Variants in SLC9A2 observed in about 807,000 individuals in gnomAD.
The protein encoded by SLC9A2 is sodium/hydrogen exchanger 2.
SLC9A2 carries 42 observed loss-of-function variants against 71.7 expected under a neutral mutation model. The ratio of observed to expected loss-of-function variants is 0.59; its 90% CI spans 0.46 to 0.76. The LOEUF (loss-of-function observed/expected upper bound fraction) is 0.76, where lower values mean the gene tolerates loss of function less well. Among genes scored for constraint, SLC9A2 ranks in the 30% least tolerant of loss-of-function variants. The pLI is 0.00. For synonymous variants in SLC9A2, 396 were observed against 392.5 expected, an observed-to-expected ratio of 1.01 and a Z score of -0.10; for missense variants, 829 against 1,017.4, an observed-to-expected ratio of 0.81 and a Z score of 2.52.
At chr2:102,707,913 T>G (rs1678012934) in intron 11 of SLC9A2, among the ~76,000 whole-genome samples, 1 of 152,182 alleles carries the variant, frequency 6.6e-6, no homozygotes, top group South Asian at 2.1e-4. Context: ...AAAGTTAGCA[T>G]GAATATATAC....
chr2:102,629,887 C>CA (rs1314897791), intron 1 of SLC9A2, among the ~76,000 whole-genome samples: 1 of 151,902 alleles, frequency 6.6e-6, no homozygotes, highest in Non-Finnish European at 1.5e-5. Flanking sequence ...AAAGTGGGGA[C>CA]AATCAATGTA....
rs1340572724 is a variant in SLC9A2, at chr2:102,665,353, A to G, written c.1004+3A>G. ...TTTCACCTCTCAGGCATCATGGCGT[A>G]AGTACTTCTTTGTTAAAAGTGCTCG... is the stretch of plus-strand genomic sequence containing the variant. On this transcript the variant is annotated splice_donor_region_variant and intron_variant, in intron 3 of 11. Coordinates refer to ENST00000233969, the MANE Select transcript of SLC9A2 (RefSeq NM_003048.6). The G allele has an allele frequency of 6.2e-7, 1 of 1,608,302 alleles. No individual in the cohort carries two copies. Among genetic ancestry groups the G allele is most frequent in the South Asian group, 1.1e-5 (1 of 90,776 alleles).
At chr2:102,638,923 C>G (rs552935281) in intron 1 of SLC9A2, among the ~76,000 whole-genome samples, 36 of 152,330 alleles carry the variant, frequency 2.4e-4, no homozygotes, top group African/African-American at 6.5e-4. Context: ...ATGGCTTATG[C>G]CCATAATCCC....
At chr2:102,664,445 G>GCGCA (rs1677098506) in intron 2 of SLC9A2, among the ~76,000 whole-genome samples, 1 of 147,860 alleles carries the variant, frequency 6.8e-6, no homozygotes. Flanking sequence ...TTCAGCAGAT[G>GCGCA]CACACACACA....
intron 2 of SLC9A2, 71 bp downstream of exon 2, chr2:102,658,098 C>T (rs184217380): frequency 8.5e-7 from 1 of 1,179,804 alleles, no homozygotes; most frequent in Non-Finnish European, 1.2e-6. Flanking sequence ...GCTCTCTGCA[C>T]CTCAACTGGC....
intron 1 of SLC9A2, among the ~76,000 whole-genome samples, chr2:102,627,669 T>C (rs1676275284): frequency 6.6e-6 from 1 of 152,146 alleles, no homozygotes; most frequent in Admixed American, 6.5e-5. Flanking sequence ...TGATACTTTA[T>C]CAAAGAATTA....
chr2:102,700,862 C>T (rs1677859835), intron 7 of SLC9A2, among the ~76,000 whole-genome samples: 1 of 151,798 alleles, frequency 6.6e-6, no homozygotes, highest in Non-Finnish European at 1.5e-5. Context: ...CATACATATA[C>T]ATACGCATAC....
intron 1 of SLC9A2, among the ~76,000 whole-genome samples, chr2:102,623,025 CT>C (rs1676173353): frequency 6.6e-6 from 1 of 152,210 alleles, no homozygotes; most frequent in Non-Finnish European, 1.5e-5. Context: ...TTCATGCTTG[CT>C]TGCATAACAG....
intron 5 of SLC9A2, among the ~76,000 whole-genome samples, chr2:102,691,417 T>A (rs1044101559): frequency 6.6e-6 from 1 of 152,140 alleles, no homozygotes; most frequent in Non-Finnish European, 1.5e-5. Flanking sequence ...TCTTGGTCTT[T>A]GTTGTTTCTT....
At chr2:102,673,895 C>A (rs1286265121) in intron 3 of SLC9A2, among the ~76,000 whole-genome samples, 2 of 151,520 alleles carry the variant, frequency 1.3e-5, no homozygotes, top group Non-Finnish European at 2.9e-5. Flanking sequence ...CATGCCCATT[C>A]TCCTGCCTCA....
chr2:102,697,411 A>G (rs150766546), intron 7 of SLC9A2: 19 of 152,116 alleles, frequency 1.2e-4, no homozygotes, highest in African/African-American at 4.6e-4. Flanking sequence ...AGGCTGCCAG[A>G]TTAATTGGCT....
At chr2:102,668,785 C>G (rs1481144327) in intron 3 of SLC9A2, among the ~76,000 whole-genome samples, 4 of 152,172 alleles carry the variant, frequency 2.6e-5, no homozygotes, top group African/African-American at 4.8e-5. Context: ...TTTGCCTGCT[C>G]TCCTCCATCT....
At chr2:102,682,612 C>A (rs554504393) in intron 3 of SLC9A2, among the ~76,000 whole-genome samples, 1 of 152,150 alleles carries the variant, frequency 6.6e-6, no homozygotes, top group Admixed American at 6.5e-5. Flanking sequence ...AGTTTCTTTG[C>A]TTTAGGAATT....
chr2:102,648,446 C>A lies in SLC9A2; in HGVS notation c.290-9118C>A, dbSNP rs527648715. ...TGAAAACCGGCACAAGACAAGGATGCCCTCTCTCGCCACTCCCATTCAACA... is the reference window on the plus strand; with the variant it reads ...TGAAAACCGGCACAAGACAAGGATGACCTCTCTCGCCACTCCCATTCAACA... On this transcript the variant is annotated intron_variant, in intron 1 of 11. Coordinates refer to ENST00000233969, the MANE Select transcript of SLC9A2 (RefSeq NM_003048.6). Among the ~76,000 whole-genome samples, 29 of 152,250 alleles carry A rather than the reference C, an allele frequency of 1.9e-4. 1 individual carries two copies. Among genetic ancestry groups the A allele is most frequent in the African/African-American group, 6.0e-4 (25 of 41,548 alleles).
At chr2:102,647,545 AGTGAAT>A (rs1676750830) in intron 1 of SLC9A2, among the ~76,000 whole-genome samples, 2 of 152,224 alleles carry the variant, frequency 1.3e-5, no homozygotes, top group Non-Finnish European at 2.9e-5. Context: ...CAAAAAAGTC[AGTGAAT>A]CCAGAAACTG....
chr2:102,626,403 C>A (rs986253916), intron 1 of SLC9A2, among the ~76,000 whole-genome samples: 1 of 152,182 alleles, frequency 6.6e-6, no homozygotes, highest in African/African-American at 2.4e-5. Flanking sequence ...CTTCCTTACA[C>A]CTTATACAAA....
chr2:102,661,498 T>C (rs1373646718), intron 2 of SLC9A2, among the ~76,000 whole-genome samples: 1 of 152,178 alleles, frequency 6.6e-6, no homozygotes, highest in Non-Finnish European at 1.5e-5. Flanking sequence ...GTATGTTTCA[T>C]ACAGGAAGAA....
At chr2:102,642,977 A>C (rs975103982) in intron 1 of SLC9A2, among the ~76,000 whole-genome samples, 2 of 152,080 alleles carry the variant, frequency 1.3e-5, no homozygotes, top group Non-Finnish European at 2.9e-5. Context: ...GGTCCATTTC[A>C]GCTTAGATGT....
chr2:102,632,201 TG>T (rs1211034457), intron 1 of SLC9A2, among the ~76,000 whole-genome samples: 5 of 135,626 alleles, frequency 3.7e-5, no homozygotes, highest in Non-Finnish European at 7.6e-5. Context: ...TAAATGAAAG[TG>T]GGGATATAAA....
Sources: gnomAD v4.1 joint callset for allele counts (sites outside exome capture counted in the v4.1 genomes callset) on GRCh38, gnomAD v4.1.1 for gene constraint, MANE v1.5 for transcripts, NCBI Gene and HGNC (gene_info 2026-07-23, HGNC 2026-07-21) for gene names.